LAMA4: variants seen among roughly 807,000 people sequenced by gnomAD.
The protein encoded by LAMA4 is laminin subunit alpha-4.
A neutral mutation model predicts 207.1 loss-of-function variants in LAMA4; 127 were observed. The ratio of observed to expected loss-of-function variants is 0.61; its 90% CI spans 0.53 to 0.71. The LOEUF is 0.71. Among genes scored for constraint, LAMA4 ranks in the 30% least tolerant of loss-of-function variants. The probability of loss-of-function intolerance (pLI) is 0.00; values close to 1 mark genes in which losing one functional copy is unlikely to be tolerated. For missense variants in LAMA4, 2,093 were observed against 2,246.5 expected (o/e 0.93, Z 1.38); for synonymous variants, 761 against 816.0 (o/e 0.93, Z 1.15).
chr6:112,237,261 G>A (rs1443145486), intron 2 of LAMA4, among the ~76,000 whole-genome samples: 1 of 152,216 alleles, frequency 6.6e-6, no homozygotes, highest in Non-Finnish European at 1.5e-5. Flanking sequence ...TTACAGGGGT[G>A]CTCTGAGCAT....
At chr6:112,235,228 A>AGATGCTG (rs1469162529) in intron 2 of LAMA4, among the ~76,000 whole-genome samples, 3 of 152,236 alleles carry the variant, frequency 2.0e-5, no homozygotes, top group Admixed American at 6.5e-5. Flanking sequence ...ATATCTCAGC[A>AGATGCTG]GATGCTGTTC....
At chr6:112,230,771 C>T (rs78532275) in intron 2 of LAMA4, among the ~76,000 whole-genome samples, 2,342 of 152,266 alleles carry the variant, frequency 0.015, 68 homozygotes, top group African/African-American at 0.054. Context: ...TGATTTGTTG[C>T]TGAATCCTCA....
intron 2 of LAMA4, among the ~76,000 whole-genome samples, chr6:112,238,513 C>T (rs1292462277): frequency 1.3e-5 from 2 of 151,954 alleles, no homozygotes; most frequent in Non-Finnish European, 2.9e-5. Context: ...AGTTCGAGAC[C>T]AGCCTGGCCA....
intron 12 of LAMA4, among the ~76,000 whole-genome samples, chr6:112,171,154 T>C (rs1442127504): frequency 6.6e-6 from 1 of 152,160 alleles, no homozygotes; most frequent in Non-Finnish European, 1.5e-5. Context: ...CACACCTTAC[T>C]ATATATGTGT....
chr6:112,186,910 A>C (rs539833246), intron 8 of LAMA4: 41 of 455,318 alleles, frequency 9.0e-5, no homozygotes, highest in African/African-American at 7.0e-4. Context: ...CAGTAGAGCT[A>C]TGAGGAGAAA....
chr6:112,151,115 C>T (rs946287370), intron 16 of LAMA4, among the ~76,000 whole-genome samples: 1 of 137,528 alleles, frequency 7.3e-6, no homozygotes, highest in Non-Finnish European at 1.7e-5. Context: ...AAAACATAAC[C>T]GGCATCCAAG....
In LAMA4 at chr6:112,207,133, T is replaced by C; in HGVS notation, c.310A>G (p.Asn104Asp). Residue 104 changes from asparagine to aspartate, a missense_variant, in exon 4 of 39, where the codon AAC becomes GAC. Coordinates refer to ENST00000230538, the MANE Select transcript of LAMA4 (RefSeq NM_001105206.3). ...GSGYCVHCQRNTTGEHCEKCL... is the reference protein window; with the variant it reads ...GSGYCVHCQRDTTGEHCEKCL... ...TTTTCACAGTGCTCTCCTGTTGTGT[T>C]CCGCTGGCAGTGCTATGAGACAAAA... The C allele has an allele frequency of 6.2e-7, 1 of 1,613,952 alleles. No individual in the cohort carries two copies. Among genetic ancestry groups the C allele is most frequent in the Non-Finnish European group, 8.5e-7 (1 of 1,179,948 alleles).
chr6:112,172,642 C>T lies in LAMA4; in HGVS notation c.1520G>A (p.Arg507Lys). The T allele has an allele frequency of 6.2e-7, 1 of 1,613,182 alleles. No individual in the cohort carries two copies. Among genetic ancestry groups the T allele is most frequent in the South Asian group, 1.1e-5 (1 of 91,032 alleles). The change falls in exon 12 of 39, where the codon AGG (arginine) becomes AAG (lysine). Residue 507 changes from arginine to lysine, a missense_variant. Physicochemically the swap from Arg to Lys is conservative, Grantham distance 26. Around this residue, in one of 3 missense-constraint regions of LAMA4, gnomAD observed 1,704 missense variants for 1,788.4 expected, o/e 0.95. Coordinates refer to ENST00000230538, the MANE Select transcript of LAMA4 (RefSeq NM_001105206.3). ...GTCCCGCTGCCTGGCTGCTGTGGCC[C>T]TGTTCATGTCTTCGGCATCCCTGAC... ...NYVRDAEDMNRATAARQRDHE... is the reference protein window; with the variant it reads ...NYVRDAEDMNKATAARQRDHE...
chr6:112,203,895 GTCC>G, intron 4 of LAMA4, among the ~76,000 whole-genome samples: 1 of 152,136 alleles, frequency 6.6e-6, no homozygotes, highest in Non-Finnish European at 1.5e-5. Context: ...CATTCTCTAA[GTCC>G]CTTCAGTGCT....
chr6:112,204,485 A>C (rs1554353512), intron 4 of LAMA4, among the ~76,000 whole-genome samples: 1 of 152,136 alleles, frequency 6.6e-6, no homozygotes, highest in African/African-American at 2.4e-5. Flanking sequence ...AAAAAAAAAA[A>C]AACAAACACT....
intron 12 of LAMA4, among the ~76,000 whole-genome samples, chr6:112,167,582 G>A (rs17073444): frequency 0.019 from 2,865 of 152,244 alleles, 93 homozygotes; most frequent in African/African-American, 0.066. Context: ...GCAAAAGAAT[G>A]GTGAAAGTAG....
chr6:112,191,886 T>C (rs1554349207), intron 5 of LAMA4, 36 bp from the exon 6 acceptor site: 1 of 1,458,440 alleles, frequency 6.9e-7, no homozygotes. Context: ...ATATTTAGCA[T>C]CATGGTTTTT....
intron 17 of LAMA4, among the ~76,000 whole-genome samples, chr6:112,150,014 C>G (rs1226717269): frequency 3.3e-5 from 5 of 152,094 alleles, no homozygotes; most frequent in African/African-American, 1.2e-4. Flanking sequence ...TTGTTGGTCT[C>G]CCTGGTTTCT....
At chr6:112,201,130 T>G (rs1783722580) in intron 5 of LAMA4, among the ~76,000 whole-genome samples, 1 of 152,148 alleles carries the variant, frequency 6.6e-6, no homozygotes, top group Admixed American at 6.5e-5. Context: ...TACTTTTTAG[T>G]ATGGTATAAA....
intron 5 of LAMA4, among the ~76,000 whole-genome samples, chr6:112,192,789 G>T (rs187116711): frequency 6.6e-6 from 1 of 152,226 alleles, no homozygotes; most frequent in East Asian, 1.9e-4. Flanking sequence ...TGCCGTGCAG[G>T]GCAGCAGAGG....
intron 18 of LAMA4, among the ~76,000 whole-genome samples, chr6:112,147,073 C>T (rs1780072424): frequency 6.6e-6 from 1 of 152,054 alleles, no homozygotes; most frequent in African/African-American, 2.4e-5. Context: ...CCACAAAATG[C>T]TATTTGAGAA....
At chr6:112,233,393 C>G (rs140752696) in intron 2 of LAMA4, among the ~76,000 whole-genome samples, 3 of 152,186 alleles carry the variant, frequency 2.0e-5, no homozygotes, top group East Asian at 3.9e-4. Context: ...TTTTTTTGAG[C>G]ACGAATTTTA....
chr6:112,114,084 C>T lies in LAMA4; in HGVS notation c.5318G>A (p.Gly1773Asp), dbSNP rs781826525. The T allele has an allele frequency of 1.9e-6, 3 of 1,613,904 alleles. No individual in the cohort carries two copies. The South Asian group carries it at 3.3e-5, about 18-fold the overall frequency. The change falls in exon 38 of 39, where the codon GGT becomes GAT. Residue 1773 changes from glycine (G) to aspartate (D), a missense_variant. Around this residue, in one of 3 missense-constraint regions of LAMA4, gnomAD observed 383 missense variants for 437.8 expected, o/e 0.87. Transcript: ENST00000230538. ...TTTTAAACAACACTTACCTGGAACA[C>T]CTCCAACAAACACAGGCTCCCTGTG... ...IDHREPVFVGGVPESLLTPRL... is the reference protein window; with the variant it reads ...IDHREPVFVGDVPESLLTPRL...
intron 5 of LAMA4, chr6:112,196,588 G>T (rs1421139052): frequency 6.6e-6 from 1 of 152,162 alleles, no homozygotes; most frequent in Non-Finnish European, 1.5e-5. Context: ...CTGGGATGAG[G>T]ATGAGAATTG....
Sources: gnomAD v4.1 joint callset for allele counts (sites outside exome capture counted in the v4.1 genomes callset) on GRCh38, gnomAD v4.1.1 for gene constraint, gnomAD v4.1.1 regional missense constraint, MANE v1.5 for transcripts, NCBI Gene and HGNC (gene_info 2026-07-23, HGNC 2026-07-21) for gene names.